The following SLIT2 variants were observed in gnomAD, a reference collection of about 807,000 sequenced individuals.
The protein encoded by SLIT2 is slit guidance ligand 2.
Under a neutral mutation model 185.7 loss-of-function variants are expected in SLIT2, and 41 were observed. The observed-to-expected ratio is 0.22, with a 90% confidence interval of 0.17 to 0.29. The LOEUF (loss-of-function observed/expected upper bound fraction) is 0.29, where lower values mean the gene tolerates loss of function less well. Ranked by LOEUF, SLIT2 falls within the 10% of genes least tolerant of loss-of-function variation. The pLI, the probability that SLIT2 is intolerant of heterozygous loss-of-function variation, is 1.00. For synonymous variants in SLIT2, 693 were observed against 680.2 expected (o/e 1.02, Z -0.29); for missense variants, 1,571 against 1,909.0 (o/e 0.82, Z 3.30).
intron 3 of SLIT2, among the ~76,000 whole-genome samples, chr4:20,258,292 G>A (rs532705063): frequency 7.0e-4 from 106 of 151,844 alleles, no homozygotes; most frequent in African/African-American, 2.4e-3. Flanking sequence ...TGGTGCATTA[G>A]GGAAGAGAGA....
At chr4:20,255,531 G>A (rs1463454844) in intron 1 of SLIT2, among the ~76,000 whole-genome samples, 1 of 152,182 alleles carries the variant, frequency 6.6e-6, no homozygotes, top group Admixed American at 6.5e-5. Flanking sequence ...ACTCTGCTTA[G>A]CATGGAGAAG....
At chr4:20,328,987 A>G (rs1363535159) in intron 4 of SLIT2, among the ~76,000 whole-genome samples, 2 of 152,076 alleles carry the variant, frequency 1.3e-5, no homozygotes, top group Admixed American at 1.3e-4. Context: ...ATATTAATTC[A>G]TGGTGATGTT....
intron 4 of SLIT2, among the ~76,000 whole-genome samples, chr4:20,327,420 TAAAC>T (rs923537708): frequency 3.3e-5 from 5 of 151,956 alleles, no homozygotes; most frequent in African/African-American, 9.7e-5. Context: ...TAAAAATAAA[TAAAC>T]AAAAATTCCA....
intron 4 of SLIT2, among the ~76,000 whole-genome samples, chr4:20,374,016 C>CT: frequency 6.6e-6 from 1 of 152,210 alleles, no homozygotes; most frequent in East Asian, 1.9e-4. Flanking sequence ...TGTGTAGTGG[C>CT]TAAACCAATA....
intron 4 of SLIT2, among the ~76,000 whole-genome samples, chr4:20,342,183 A>G: frequency 6.6e-6 from 1 of 152,150 alleles, no homozygotes; most frequent in Non-Finnish European, 1.5e-5. Context: ...ATTTCCTTTA[A>G]GTTTATATTC....
chr4:20,455,759 A>C (rs1712999260), intron 4 of SLIT2, among the ~76,000 whole-genome samples: 1 of 152,094 alleles, frequency 6.6e-6, no homozygotes, highest in Non-Finnish European at 1.5e-5. Flanking sequence ...AAAACTATGA[A>C]TTGTACAGTT....
rs557395863 is a variant in SLIT2 at position 20,524,185 on chromosome 4, C to A, written c.1438+8C>A. On this transcript the variant is annotated splice_region_variant and intron_variant, in intron 14 of 36. Coordinates refer to ENST00000504154, the MANE Select transcript of SLIT2 (RefSeq NM_004787.4). ...AGAAATTCCGTTGTTCAGGTAATTTCTTCACGTGTTATTTCCCCTGTGACC... is the reference window on the plus strand; with the variant it reads ...AGAAATTCCGTTGTTCAGGTAATTTATTCACGTGTTATTTCCCCTGTGACC... The A allele has an allele frequency of 6.2e-7, 1 of 1,613,578 alleles. No homozygotes were observed. The highest frequency in any genetic ancestry group is 1.7e-5 in the Admixed American group (1 of 59,998).
At chr4:20,605,809 C>T (rs948408558) in intron 33 of SLIT2, among the ~76,000 whole-genome samples, 50 of 149,850 alleles carry the variant, frequency 3.3e-4, no homozygotes, top group East Asian at 3.9e-4. Context: ...TGCAGTGGCA[C>T]GGTCTCGGCT....
At chr4:20,458,087 G>C (rs150681238) in intron 4 of SLIT2, among the ~76,000 whole-genome samples, 1 of 73,770 alleles carries the variant, frequency 1.4e-5, no homozygotes, top group Non-Finnish European at 2.6e-5. Flanking sequence ...TACACATTAT[G>C]CAAAAAAAAA....
Position 20,570,712 on chromosome 4 carries a change from A to AAT in SLIT2, c.3088+1725_3088+1726dup, listed in dbSNP as rs531995886. Among the ~76,000 whole-genome samples, 242 of 112,240 alleles carry AAT rather than the reference A, an allele frequency of 2.2e-3. 5 individuals carry two copies. In the South Asian group the frequency reaches 0.048, roughly 22 times the overall value. 73.6% of individuals were successfully genotyped at this position (112,240 alleles called of 152,430 possible). On this transcript the variant is annotated intron_variant, in intron 29 of 36. Coordinates refer to ENST00000504154, the MANE Select transcript of SLIT2 (RefSeq NM_004787.4). The stretch of plus-strand genomic sequence containing the variant: ...TGCCTAACCAATGCACAGAACCAGG[A>AAT]ATATATATATATATATATGTATATA...
At chr4:20,469,948 T>A (rs1714792891) in intron 5 of SLIT2, among the ~76,000 whole-genome samples, 1 of 151,674 alleles carries the variant, frequency 6.6e-6, no homozygotes, top group Non-Finnish European at 1.5e-5. Flanking sequence ...AGAGATGGGA[T>A]TTCATCATGT....
At chr4:20,578,018 C>G (rs558297033) in intron 29 of SLIT2, among the ~76,000 whole-genome samples, 1 of 152,264 alleles carries the variant, frequency 6.6e-6, no homozygotes, top group Non-Finnish European at 1.5e-5. Flanking sequence ...CCATCTCATC[C>G]AGCCTGCAAG....
At chr4:20,496,602 G>C (rs926430716) in intron 9 of SLIT2, among the ~76,000 whole-genome samples, 6 of 152,066 alleles carry the variant, frequency 3.9e-5, no homozygotes, top group African/African-American at 1.4e-4. Context: ...GCTTTTGACT[G>C]TCCCTAATTA....
At chr4:20,520,473 A>G (rs73801858) in intron 12 of SLIT2, among the ~76,000 whole-genome samples, 2,203 of 152,228 alleles carry the variant, frequency 0.014, 54 homozygotes, top group African/African-American at 0.05. Flanking sequence ...TTTCTTAGTA[A>G]ATCTCCCTTA....
At chr4:20,299,919 T>G (rs1366583549) in intron 4 of SLIT2, among the ~76,000 whole-genome samples, 1 of 151,960 alleles carries the variant, frequency 6.6e-6, no homozygotes, top group Non-Finnish European at 1.5e-5. Context: ...TCTATTGAGA[T>G]AATGCCTAGG....
chr4:20,491,628 A>C (rs1289578117), intron 8 of SLIT2, 133 bp from the exon 9 acceptor site: 1 of 682,204 alleles, frequency 1.5e-6, no homozygotes, highest in Non-Finnish European at 2.4e-6. Context: ...TTAGAAATAT[A>C]GGACCATTTT....
chr4:20,390,615 TG>T (rs776829128), intron 4 of SLIT2, among the ~76,000 whole-genome samples: 44 of 152,214 alleles, frequency 2.9e-4, no homozygotes, highest in Non-Finnish European at 4.3e-4. Flanking sequence ...CCTTTTTTGT[TG>T]TATTCTTCAT....
At chr4:20,404,459 A>C (rs1726608700) in intron 4 of SLIT2, among the ~76,000 whole-genome samples, 2 of 152,102 alleles carry the variant, frequency 1.3e-5, no homozygotes, top group Admixed American at 1.3e-4. Context: ...TCCGAGTTTC[A>C]TAAGGTTAAG....
intron 4 of SLIT2, among the ~76,000 whole-genome samples, chr4:20,455,231 G>A (rs1395400518): frequency 6.6e-6 from 1 of 152,092 alleles, no homozygotes; most frequent in Non-Finnish European, 1.5e-5. Flanking sequence ...TCAAAAGAAT[G>A]TATCATGCAT....
Sources: allele counts gnomAD v4.1 joint callset (sites outside exome capture counted in the v4.1 genomes callset), GRCh38; gene constraint gnomAD v4.1.1; transcripts MANE v1.5; gene names NCBI Gene and HGNC (gene_info 2026-07-23, HGNC 2026-07-21).